Variants in SLAIN1 observed in about 807,000 individuals in gnomAD.
SLAIN1 encodes the protein SLAIN family member 1.
A neutral mutation model predicts 55.4 loss-of-function variants in SLAIN1; 17 were observed. The observed-to-expected ratio is 0.31, with a 90% CI of 0.21 to 0.46. The LOEUF (loss-of-function observed/expected upper bound fraction) is 0.46. Ranked by LOEUF, SLAIN1 falls within the 20% of genes least tolerant of loss-of-function variation. The pLI, the probability that SLAIN1 is intolerant of heterozygous loss-of-function variation, is 1.00. For missense variants in SLAIN1, 682 were observed against 785.1 expected, an observed-to-expected ratio of 0.87 and a Z score of 1.57; for synonymous variants, 348 against 337.4, an observed-to-expected ratio of 1.03 and a Z score of -0.35.
chr13:77,735,880 C>T (rs1873093884), intron 2 of SLAIN1, among the ~76,000 whole-genome samples: 1 of 151,916 alleles, frequency 6.6e-6, no homozygotes, highest in Admixed American at 6.6e-5. Flanking sequence ...TCTAAAATCT[C>T]CAGTGGAAGA....
intron 1 of SLAIN1, among the ~76,000 whole-genome samples, chr13:77,703,732 A>G (rs528261290): frequency 6.6e-6 from 1 of 151,972 alleles, no homozygotes; most frequent in South Asian, 2.1e-4. Flanking sequence ...TGACTCAAAC[A>G]CTGTTACAGA....
Position 77,698,207 on chromosome 13 carries a change from C to G in SLAIN1, c.294C>G (p.Leu98=), listed in dbSNP as rs1463608995. The change falls in exon 1 of 7, where the codon CTC becomes CTG. Residue 98 remains leucine, a synonymous_variant. Transcript: ENST00000418532. The surrounding 1 kb of genome is among the most constrained non-coding windows in gnomAD (Gnocchi z 4.1). ...ATAAASGGLG[L]GLALGAGGGG... ...CCGCGGCCTCAGGGGGCCTGGGGCTCGGGCTGGCGCTGGGCGCGGGGGGCG... is the reference window on the plus strand; with the variant it reads ...CCGCGGCCTCAGGGGGCCTGGGGCTGGGGCTGGCGCTGGGCGCGGGGGGCG... 6 of 1,241,728 alleles carry G rather than the reference C, an allele frequency of 4.8e-6. No individual in the cohort carries two copies. The highest frequency in any genetic ancestry group is 6.0e-6 in the Non-Finnish European group (6 of 996,670). The allele number at this position is 1,241,728 out of a possible 1,614,324, so 76.9% of individuals were successfully genotyped here.
At chr13:77,719,470 C>T (rs570313192) in intron 1 of SLAIN1, 62 bp from the exon 2 acceptor site, 10 of 1,188,364 alleles carry the variant, frequency 8.4e-6, no homozygotes, top group African/African-American at 6.1e-5. Context: ...GTTGCTTTCC[C>T]CAGAGAGAGG....
chr13:77,708,752 C>A (rs1393298074), intron 1 of SLAIN1, among the ~76,000 whole-genome samples: 2 of 152,080 alleles, frequency 1.3e-5, no homozygotes, highest in Non-Finnish European at 2.9e-5. Context: ...GAAACCCCAT[C>A]CAAAGGTCAC....
At chr13:77,719,821 C>T in intron 2 of SLAIN1, 150 bp downstream of exon 2, 1 of 758,926 alleles carries the variant, frequency 1.3e-6, no homozygotes, top group Non-Finnish European at 2.1e-6. Flanking sequence ...TATTACACAT[C>T]AAGCTTTCTC....
intron 2 of SLAIN1, among the ~76,000 whole-genome samples, chr13:77,733,009 C>G (rs1012204193): frequency 2.6e-5 from 4 of 152,134 alleles, no homozygotes; most frequent in Non-Finnish European, 4.4e-5. Flanking sequence ...AGGTCTAATC[C>G]TTTAATTATG....
At chr13:77,719,243 T>A (rs1032667069) in intron 1 of SLAIN1, among the ~76,000 whole-genome samples, 8 of 146,760 alleles carry the variant, frequency 5.5e-5, no homozygotes, top group Non-Finnish European at 1.0e-4. Context: ...AGTGCCTTTT[T>A]AGGGCTAGTT....
chr13:77,729,814 A>C (rs2091340267), intron 2 of SLAIN1, among the ~76,000 whole-genome samples: 1 of 152,106 alleles, frequency 6.6e-6, no homozygotes, highest in African/African-American at 2.4e-5. Flanking sequence ...TGGCAGCCTG[A>C]CCCAGGGGTA....
chr13:77,720,345 T>G (rs1028371943), intron 2 of SLAIN1, among the ~76,000 whole-genome samples: 12 of 152,120 alleles, frequency 7.9e-5, no homozygotes, highest in Non-Finnish European at 1.8e-4. Context: ...TTCTATTCCA[T>G]GGACCACCTG....
intron 1 of SLAIN1, among the ~76,000 whole-genome samples, chr13:77,705,097 C>T (rs12431308): frequency 0.3 from 31,905 of 104,830 alleles, 8,050 homozygotes; most frequent in African/African-American, 0.53. Context: ...TGTGTGTATA[C>T]ATATGTGACT....
intron 2 of SLAIN1, among the ~76,000 whole-genome samples, chr13:77,730,179 G>A (rs918173013): frequency 3.0e-4 from 45 of 152,276 alleles, no homozygotes; most frequent in African/African-American, 9.4e-4. Context: ...TGTGTGCAGC[G>A]TCTTCAGGGC....
rs1171303801 is a variant in SLAIN1 at position 77,698,333 on chromosome 13, G to A, written c.420G>A (p.Ala140=). The A allele has an allele frequency of 1.4e-6, 2 of 1,448,298 alleles. No homozygotes were observed. The highest frequency in any genetic ancestry group is 1.3e-5 in the South Asian group (1 of 75,894). 89.7% of individuals were successfully genotyped at this position (1,448,298 alleles called of 1,614,324 possible). ...SPAPSLLCSL[A]QPPEAPFVYF... ...CGCCCTCCCTGCTTTGCAGCCTGGC[G>A]CAGCCACCCGAGGCGCCCTTCGTCT... Residue 140 remains alanine (A), a synonymous_variant, in exon 1 of 7, where the codon GCG becomes GCA. Transcript: ENST00000418532. This position sits in a 1 kb window ranked among gnomAD's most constrained non-coding sequence, Gnocchi z 4.1.
intron 1 of SLAIN1, among the ~76,000 whole-genome samples, chr13:77,710,449 C>T (rs1410615509): frequency 6.6e-6 from 1 of 152,112 alleles, no homozygotes; most frequent in Non-Finnish European, 1.5e-5. Flanking sequence ...ATCCTAGTCT[C>T]TGATAAAACA....
chr13:77,698,517 C>A lies in SLAIN1; in HGVS notation c.604C>A (p.Arg202=). 1 of 1,446,460 alleles carries A rather than the reference C, an allele frequency of 6.9e-7. No individual in the cohort carries two copies. The highest frequency in any genetic ancestry group is 9.0e-7 in the Non-Finnish European group (1 of 1,107,050). The allele number at this position is 1,446,460 out of a possible 1,614,324, so 89.6% of individuals were successfully genotyped here. The change falls in exon 1 of 7, where the codon CGG becomes AGG. Residue 202 remains arginine (R), a synonymous_variant. Transcript: ENST00000418532. The surrounding 1 kb of genome is among the most constrained non-coding windows in gnomAD (Gnocchi z 4.1). ...LLDLESVAAW[R]DEDDYTWLYI... ...GGATCTGGAGAGCGTAGCCGCCTGG[C>A]GGGACGAGGACGACTACACCTGGTA...
chr13:77,706,524 A>G (rs369392257), intron 1 of SLAIN1, among the ~76,000 whole-genome samples: 14 of 152,240 alleles, frequency 9.2e-5, no homozygotes, highest in African/African-American at 3.4e-4. Context: ...TTTATATTGT[A>G]GTGCTATCCC....
At chr13:77,730,104 G>C (rs184893572) in intron 2 of SLAIN1, among the ~76,000 whole-genome samples, 69 of 152,268 alleles carry the variant, frequency 4.5e-4, no homozygotes, top group African/African-American at 1.6e-3. Context: ...GTGAGGAAAC[G>C]GCAGGCTGTT....
chr13:77,756,915 T>A (rs963244137), intron 5 of SLAIN1, among the ~76,000 whole-genome samples: 1 of 152,134 alleles, frequency 6.6e-6, no homozygotes, highest in Non-Finnish European at 1.5e-5. Context: ...GAGAGCATTG[T>A]AAGGTGCTGG....
At chr13:77,723,091 G>A (rs2091277349) in intron 2 of SLAIN1, among the ~76,000 whole-genome samples, 1 of 152,096 alleles carries the variant, frequency 6.6e-6, no homozygotes, top group Non-Finnish European at 1.5e-5. Flanking sequence ...AAGACACCTA[G>A]TTTTGTTGTT....
rs1352090766 is a variant in SLAIN1, at chr13:77,697,775, C to G, written c.-139C>G. On this transcript the variant is annotated 5_prime_UTR_variant, in exon 1 of 7. Coordinates refer to ENST00000418532, the MANE Select transcript of SLAIN1 (RefSeq NM_001242868.2). ...GCGAGGGCCCGGTGCTGATGCGAAC[C>G]GCCGGCTCGGCCTCAGCCCGCGCGT... 1.1e-6 allele frequency: 1 copy of G among 920,402 alleles called. No individual in the cohort carries two copies. The highest frequency in any genetic ancestry group is 1.8e-5 in the African/African-American group (1 of 56,498). The allele number at this position is 920,402 out of a possible 1,614,324, so 57.0% of individuals were successfully genotyped here.
Sources: allele counts gnomAD v4.1 joint callset (sites outside exome capture counted in the v4.1 genomes callset), GRCh38; gene constraint gnomAD v4.1.1; non-coding constraint Gnocchi (gnomAD v3.1); transcripts MANE v1.5; gene names NCBI Gene and HGNC (gene_info 2026-07-23, HGNC 2026-07-21).